BEND7: variants seen among roughly 807,000 people sequenced by gnomAD.
BEND7 encodes BEN domain containing 7.
In BEND7, 28 loss-of-function variants were observed where a neutral mutation model predicts 50.9. The ratio of observed to expected loss-of-function variants is 0.55; its 90% CI spans 0.41 to 0.75. BEND7 has a LOEUF of 0.75. Ranked by LOEUF, BEND7 falls within the 30% of genes least tolerant of loss-of-function variation. The pLI is 0.00. For missense variants in BEND7, 477 were observed against 491.3 expected, an observed-to-expected ratio of 0.97 and a Z score of 0.28; for synonymous variants, 170 against 183.9, an observed-to-expected ratio of 0.92 and a Z score of 0.61.
intron 2 of BEND7, among the ~76,000 whole-genome samples, chr10:13,521,399 A>G (rs1271062476): frequency 1.3e-5 from 2 of 152,224 alleles, no homozygotes; most frequent in Non-Finnish European, 1.5e-5. Context: ...AGTCCTTTAC[A>G]TAGTGCTGGC....
chr10:13,461,854 A>G (rs1482307078), intron 6 of BEND7, among the ~76,000 whole-genome samples: 1 of 152,180 alleles, frequency 6.6e-6, no homozygotes, highest in Admixed American at 6.5e-5. Flanking sequence ...GGCTCCAGAG[A>G]GAGGGAAATG....
At chr10:13,471,228 G>C (rs545445239) in intron 6 of BEND7, among the ~76,000 whole-genome samples, 1 of 152,334 alleles carries the variant, frequency 6.6e-6, no homozygotes, top group South Asian at 2.1e-4. Context: ...CAGGGCCTTA[G>C]TCAGTCATTG....
intron 2 of BEND7, among the ~76,000 whole-genome samples, chr10:13,521,977 A>G (rs1354653474): frequency 6.6e-6 from 1 of 152,202 alleles, no homozygotes; most frequent in Non-Finnish European, 1.5e-5. Context: ...AGCCACTGAA[A>G]AGAGACTTCA....
intron 7 of BEND7, among the ~76,000 whole-genome samples, chr10:13,450,471 C>T (rs1198855764): frequency 1.3e-5 from 2 of 152,104 alleles, no homozygotes; most frequent in Non-Finnish European, 2.9e-5. Flanking sequence ...CACTTCTGTG[C>T]CCTAGAGGAG....
At chr10:13,466,876 G>C (rs1036874012) in intron 6 of BEND7, among the ~76,000 whole-genome samples, 1 of 152,110 alleles carries the variant, frequency 6.6e-6, no homozygotes, top group Non-Finnish European at 1.5e-5. Context: ...TTACCCCCTC[G>C]CCAGGAGGTC....
intron 3 of BEND7, among the ~76,000 whole-genome samples, chr10:13,499,227 A>AGG (rs2077260628): frequency 6.6e-6 from 1 of 152,196 alleles, no homozygotes; most frequent in Non-Finnish European, 1.5e-5. Context: ...AGAAAATTTT[A>AGG]CTTTAAAGGA....
At position 13,452,719 on chromosome 10, in the gene BEND7, C is replaced by T; in HGVS notation, c.1064-61G>A. The stretch of plus-strand genomic sequence containing the variant: ...ACAAGTAAAATATGCAGATCTGAAA[C>T]AGAAATATATTCTAAAAAGAAAAAA... On this transcript the variant is annotated intron_variant, in intron 6 of 8. Coordinates refer to ENST00000466271, the MANE Select transcript of BEND7 (RefSeq NM_001369863.1). The T allele has an allele frequency of 1.4e-6, 2 of 1,442,560 alleles. 1 individual carries two copies. Among genetic ancestry groups the T allele is most frequent in the South Asian group, 2.7e-5 (2 of 73,402 alleles). The allele number at this position is 1,442,560 out of a possible 1,614,324, so 89.4% of individuals were successfully genotyped here. A position where few individuals can be genotyped will look rare whatever the true frequency, so the allele number is the denominator to read the frequency against.
At chr10:13,520,566 G>T (rs2079015099) in intron 2 of BEND7, among the ~76,000 whole-genome samples, 1 of 152,156 alleles carries the variant, frequency 6.6e-6, no homozygotes, top group Non-Finnish European at 1.5e-5. Flanking sequence ...ACTGAGATCA[G>T]CCCACGTGGG....
chr10:13,518,376 A>C (rs1237454755), intron 2 of BEND7, among the ~76,000 whole-genome samples: 2 of 152,184 alleles, frequency 1.3e-5, no homozygotes. Flanking sequence ...CAGGGGCCCA[A>C]CTCCCTCAGA....
intron 6 of BEND7, among the ~76,000 whole-genome samples, chr10:13,469,393 C>G (rs549369428): frequency 6.6e-6 from 1 of 152,266 alleles, no homozygotes; most frequent in Non-Finnish European, 1.5e-5. Flanking sequence ...CAGATAGGTA[C>G]AGCCGTGCTT....
At chr10:13,455,806 T>C (rs1471330884) in intron 6 of BEND7, among the ~76,000 whole-genome samples, 3 of 151,998 alleles carry the variant, frequency 2.0e-5, no homozygotes, top group Admixed American at 6.6e-5. Flanking sequence ...CTCAGTGAGC[T>C]CAGGGGTGAG....
At chr10:13,523,230 A>T (rs143754327) in intron 2 of BEND7, among the ~76,000 whole-genome samples, 1 of 152,348 alleles carries the variant, frequency 6.6e-6, no homozygotes, top group East Asian at 1.9e-4. Context: ...GTCCCATCAC[A>T]GCCAGCTTGA....
intron 5 of BEND7, 38 bp from the exon 6 acceptor site, chr10:13,481,162 T>G: frequency 1.2e-6 from 2 of 1,602,098 alleles, no homozygotes; most frequent in Non-Finnish European, 1.7e-6. Context: ...AAAAGCAAGA[T>G]TTGAAGCATC....
chr10:13,460,820 G>T (rs911585381), intron 6 of BEND7, among the ~76,000 whole-genome samples: 2 of 152,164 alleles, frequency 1.3e-5, no homozygotes, highest in African/African-American at 4.8e-5. Flanking sequence ...ACAAATCTGG[G>T]ACTTAAACCT....
At chr10:13,446,359 G>A (rs1836321554) in intron 8 of BEND7, 1 of 152,206 alleles carries the variant, frequency 6.6e-6, no homozygotes, top group South Asian at 2.1e-4. Flanking sequence ...ACATGGCCTA[G>A]TCAAGTTCCT....
At chr10:13,458,816 C>T (rs1839588151) in intron 6 of BEND7, among the ~76,000 whole-genome samples, 1 of 152,068 alleles carries the variant, frequency 6.6e-6, no homozygotes, top group African/African-American at 2.4e-5. Flanking sequence ...GGCAGCCCGC[C>T]CACACATCTG....
intron 2 of BEND7, chr10:13,500,367 G>T: frequency 4.1e-6 from 2 of 490,176 alleles, no homozygotes; most frequent in Non-Finnish European, 6.1e-6. Flanking sequence ...TCCCTCTTTG[G>T]AAGCATTTTC....
chr10:13,525,048 G>C (rs958531855), intron 2 of BEND7, among the ~76,000 whole-genome samples: 1 of 152,186 alleles, frequency 6.6e-6, no homozygotes, highest in African/African-American at 2.4e-5. Flanking sequence ...CCTGCTACCT[G>C]AAGTCCCCCT....
At chr10:13,446,890 G>A (rs1836447542) in intron 8 of BEND7, 2 of 281,928 alleles carry the variant, frequency 7.1e-6, no homozygotes, top group African/African-American at 2.3e-5. Flanking sequence ...GGAGGTGGGA[G>A]AGGACAGCCT....
Sources: gnomAD v4.1 joint callset for allele counts (sites outside exome capture counted in the v4.1 genomes callset) on GRCh38, gnomAD v4.1.1 for gene constraint, MANE v1.5 for transcripts, NCBI Gene and HGNC (gene_info 2026-07-23, HGNC 2026-07-21) for gene names.